NAALADL2: variants seen among roughly 807,000 people sequenced by gnomAD.
NAALADL2 encodes the protein inactive N-acetylated-alpha-linked acidic dipeptidase-like protein 2.
A neutral mutation model predicts 87.2 loss-of-function variants in NAALADL2; 76 were observed. That is an observed-to-expected ratio of 0.87 (90% CI 0.72 to 1.05). The LOEUF (loss-of-function observed/expected upper bound fraction) is 1.05. Ranked by LOEUF, NAALADL2 falls within the 50% of genes least tolerant of loss-of-function variation. The probability of loss-of-function intolerance (pLI) is 0.00; values close to 1 mark genes in which losing one functional copy is unlikely to be tolerated. For synonymous variants in NAALADL2, 354 were observed against 331.0 expected, an observed-to-expected ratio of 1.07 and a Z score of -0.75; for missense variants, 1,089 against 945.8, an observed-to-expected ratio of 1.15 and a Z score of -1.99.
At chr3:174,767,598 C>A (rs904636536) in intron 3 of NAALADL2, among the ~76,000 whole-genome samples, 2 of 152,120 alleles carry the variant, frequency 1.3e-5, no homozygotes, top group African/African-American at 4.8e-5. Context: ...CTTACCCACG[C>A]CAGAAGGATT....
intron 2 of NAALADL2, among the ~76,000 whole-genome samples, chr3:174,578,764 A>C (rs536274453): frequency 6.6e-6 from 1 of 152,026 alleles, no homozygotes; most frequent in African/African-American, 2.4e-5. Context: ...ACATAGGAGG[A>C]TTCTATTCAT....
At chr3:175,381,845 A>C (rs1390544972) in intron 5 of NAALADL2, among the ~76,000 whole-genome samples, 6 of 152,170 alleles carry the variant, frequency 3.9e-5, no homozygotes, top group Non-Finnish European at 8.8e-5. Context: ...GACAGTGAGA[A>C]CAGCCATAGG....
chr3:175,503,279 A>G (rs2862285), intron 9 of NAALADL2, among the ~76,000 whole-genome samples: 135,220 of 152,188 alleles, frequency 0.89, 60,100 homozygotes, highest in East Asian at 0.98. Flanking sequence ...TTATAGCTGT[A>G]TAGTGTCTCA....
At chr3:174,943,505 T>A (rs1212221162) in intron 1 of NAALADL2, among the ~76,000 whole-genome samples, 1 of 152,216 alleles carries the variant, frequency 6.6e-6, no homozygotes, top group Non-Finnish European at 1.5e-5. Flanking sequence ...TTGGCACTTC[T>A]GGGATGTCCA....
intron 1 of NAALADL2, among the ~76,000 whole-genome samples, chr3:174,471,253 C>T (rs904883766): frequency 2.0e-4 from 30 of 151,388 alleles, no homozygotes; most frequent in Non-Finnish European, 4.1e-4. Flanking sequence ...TTCTGTAAAT[C>T]CCTTTGGGTC....
At chr3:174,925,586 A>T (rs1430357225) in intron 1 of NAALADL2, among the ~76,000 whole-genome samples, 1 of 152,176 alleles carries the variant, frequency 6.6e-6, no homozygotes, top group Admixed American at 6.5e-5. Context: ...ACTTTAAAGT[A>T]GTTTTTTCCA....
At chr3:175,097,866 A>G (rs181942838) in intron 2 of NAALADL2, among the ~76,000 whole-genome samples, 6 of 152,302 alleles carry the variant, frequency 3.9e-5, no homozygotes, top group Non-Finnish European at 8.8e-5. Context: ...TATATCTTCT[A>G]TATTTGCAGA....
chr3:174,889,719 C>T (rs1376898773), intron 1 of NAALADL2, among the ~76,000 whole-genome samples: 1 of 151,952 alleles, frequency 6.6e-6, no homozygotes, highest in East Asian at 1.9e-4. Context: ...AAAGAGACCT[C>T]CTAGAAATTC....
chr3:174,638,099 T>C (rs1367220784), intron 2 of NAALADL2, among the ~76,000 whole-genome samples: 1 of 152,150 alleles, frequency 6.6e-6, no homozygotes, highest in Non-Finnish European at 1.5e-5. Flanking sequence ...CAGACTGCCT[T>C]TTATTGCATG....
At chr3:174,567,674 T>C (rs987862224) in intron 2 of NAALADL2, among the ~76,000 whole-genome samples, 1 of 151,636 alleles carries the variant, frequency 6.6e-6, no homozygotes, top group African/African-American at 2.4e-5. Flanking sequence ...AATAGATAAG[T>C]CGATATGATC....
At chr3:175,314,370 T>A (rs1014488662) in intron 4 of NAALADL2, among the ~76,000 whole-genome samples, 5 of 151,008 alleles carry the variant, frequency 3.3e-5, no homozygotes, top group Non-Finnish European at 5.9e-5. Context: ...ACATTCAAAC[T>A]TCGTTGGGCT....
At chr3:174,842,507 A>G (rs904441621) in intron 3 of NAALADL2, among the ~76,000 whole-genome samples, 1 of 152,206 alleles carries the variant, frequency 6.6e-6, no homozygotes, top group Non-Finnish European at 1.5e-5. Context: ...AAGCTGAGAT[A>G]TTACCTCAAA....
At chr3:174,920,465 G>T (rs969286072) in intron 1 of NAALADL2, among the ~76,000 whole-genome samples, 4 of 152,120 alleles carry the variant, frequency 2.6e-5, no homozygotes, top group Admixed American at 2.6e-4. Flanking sequence ...CTAGCTTCCA[G>T]CTTTTCTTCT....
intron 2 of NAALADL2, among the ~76,000 whole-genome samples, chr3:175,162,855 G>T (rs1033866105): frequency 2.0e-5 from 3 of 151,826 alleles, no homozygotes; most frequent in Non-Finnish European, 2.9e-5. Flanking sequence ...TAAATATTTT[G>T]AATCAAATAT....
In NAALADL2 at chr3:175,627,150, A is replaced by C; in HGVS notation, c.1801-141A>C. On this transcript the variant is annotated intron_variant, in intron 10 of 13. Coordinates refer to ENST00000454872, the MANE Select transcript of NAALADL2 (RefSeq NM_207015.3). ...TACATATTCTGGGATGGGTAGTTAG[A>C]TCAGGAGAATGAAATCCAGCAATCA... 6.2e-6 allele frequency: 4 copies of C among 647,850 alleles called. No homozygotes were observed. The South Asian group carries it at 7.3e-5, about 12-fold the overall frequency. 40.1% of individuals were successfully genotyped at this position (647,850 alleles called of 1,614,324 possible). A position where few individuals can be genotyped will look rare whatever the true frequency, so the allele number is the denominator to read the frequency against.
chr3:174,557,544 A>G (rs1712996427), intron 2 of NAALADL2, among the ~76,000 whole-genome samples: 2 of 152,144 alleles, frequency 1.3e-5, no homozygotes, highest in Non-Finnish European at 2.9e-5. Flanking sequence ...CTCCTTTAAG[A>G]GGTACAGCTG....
intron 1 of NAALADL2, among the ~76,000 whole-genome samples, chr3:175,088,478 C>T (rs887237106): frequency 2.0e-5 from 3 of 152,146 alleles, no homozygotes; most frequent in African/African-American, 7.2e-5. Context: ...AGTGCAGATG[C>T]TAGATGTACT....
chr3:174,994,960 T>G (rs1359705810), intron 1 of NAALADL2, among the ~76,000 whole-genome samples: 2 of 152,132 alleles, frequency 1.3e-5, no homozygotes, highest in East Asian at 3.9e-4. Context: ...TTTGTAGTAA[T>G]GGAAAACTCA....
At chr3:175,594,022 G>A (rs752859341) in intron 10 of NAALADL2, among the ~76,000 whole-genome samples, 7 of 151,690 alleles carry the variant, frequency 4.6e-5, no homozygotes, top group Non-Finnish European at 1.0e-4. Context: ...TATACACAGG[G>A]GGTACATGTA....
Sources: allele counts gnomAD v4.1 joint callset (sites outside exome capture counted in the v4.1 genomes callset), GRCh38; gene constraint gnomAD v4.1.1; transcripts MANE v1.5; gene names NCBI Gene and HGNC (gene_info 2026-07-23, HGNC 2026-07-21).